Variants in CELF5 observed in about 807,000 individuals in gnomAD.
CELF5 encodes the protein CUG-BP and ETR-3 like factor 5.
In CELF5, 6 loss-of-function variants were observed where a neutral mutation model predicts 54.9. The observed-to-expected ratio is 0.11, with a 90% CI of 0.06 to 0.22. The LOEUF (loss-of-function observed/expected upper bound fraction) is 0.22. CELF5 is among the 10% of genes least tolerant of loss of function. The pLI is 1.00. For synonymous variants in CELF5, 271 were observed against 290.9 expected (o/e 0.93, Z 0.70); for missense variants, 401 against 678.6 (o/e 0.59, Z 4.54).
At chr19:3,277,699 G>C (rs1314740921) in intron 4 of CELF5, among the ~76,000 whole-genome samples, 1 of 152,054 alleles carries the variant, frequency 6.6e-6, no homozygotes, top group Non-Finnish European at 1.5e-5. Context: ...GACTTTGTCG[G>C]TGGGACTGTG....
chr19:3,270,822 C>T (rs1168327804), intron 2 of CELF5, among the ~76,000 whole-genome samples: 3 of 151,728 alleles, frequency 2.0e-5, no homozygotes, highest in Non-Finnish European at 4.4e-5. Flanking sequence ...CCGAGCTGAC[C>T]CAGCGGTGGG....
intron 1 of CELF5, among the ~76,000 whole-genome samples, chr19:3,245,792 C>T (rs2079558389): frequency 1.3e-5 from 2 of 152,144 alleles, no homozygotes; most frequent in Non-Finnish European, 1.5e-5. Context: ...AGCACATAGA[C>T]TCTGTGAAGA....
At chr19:3,284,581 C>CA (rs1314734580) in intron 8 of CELF5, among the ~76,000 whole-genome samples, 1 of 151,992 alleles carries the variant, frequency 6.6e-6, no homozygotes, top group East Asian at 1.9e-4. Flanking sequence ...CTGGTGAATC[C>CA]AGGGAGTAGA....
At chr19:3,272,048 G>T (rs905471447) in intron 2 of CELF5, among the ~76,000 whole-genome samples, 33 of 152,200 alleles carry the variant, frequency 2.2e-4, no homozygotes, top group Non-Finnish European at 5.9e-5. Context: ...TCTGAAGCTT[G>T]TTGGGCAGCT....
chr19:3,265,568 A>G (rs1361287965), intron 2 of CELF5, among the ~76,000 whole-genome samples: 1 of 151,838 alleles, frequency 6.6e-6, no homozygotes, highest in African/African-American at 2.4e-5. Context: ...ATCTTGAGAC[A>G]CTCCCACCCA....
chr19:3,225,480 C>CCCCAAAAAAA, intron 1 of CELF5: 1 of 670,802 alleles, frequency 1.5e-6, no homozygotes, highest in Non-Finnish European at 1.8e-6. Flanking sequence ...CCCCCACCCC[C>CCCCAAAAAAA]ATTCATTCAG....
chr19:3,273,747 T>G (rs2080002619), intron 2 of CELF5, 125 bp from the exon 3 acceptor site: 1 of 679,900 alleles, frequency 1.5e-6, no homozygotes, highest in African/African-American at 1.8e-5. Flanking sequence ...GTTAGTTGGG[T>G]GGTGGGGTGC....
intron 12 of CELF5, chr19:3,296,434 G>GAAAAAAAAAAAAAAAAAAAAAGAAAAA (rs2080450767): frequency 1.8e-5 from 1 of 54,862 alleles, no homozygotes. Context: ...AAACCACACA[G>GAAAAAAAAAAAAAAAAAAAAAGAAAAA]AAAAAAAAAA....
intron 1 of CELF5, among the ~76,000 whole-genome samples, chr19:3,235,186 C>T (rs553354063): frequency 6.6e-6 from 1 of 152,280 alleles, no homozygotes; most frequent in South Asian, 2.1e-4. Context: ...AATGTTCTTC[C>T]CCCAGATACT....
chr19:3,286,146 G>T (rs2080245174), intron 10 of CELF5, 121 bp downstream of exon 10: 1 of 817,282 alleles, frequency 1.2e-6, no homozygotes, highest in Admixed American at 3.5e-5. Flanking sequence ...CGGCCTGGGG[G>T]CTGGACAGGC....
intron 9 of CELF5, 59 bp downstream of exon 9, chr19:3,285,023 G>GC (rs1000727056): frequency 4.0e-5 from 51 of 1,268,378 alleles, no homozygotes; most frequent in Admixed American, 1.1e-4. Context: ...CTAGGGCCCC[G>GC]CCCCCAGGGC....
intron 10 of CELF5, among the ~76,000 whole-genome samples, chr19:3,287,152 T>TGTA (rs1395055518): frequency 6.6e-6 from 1 of 151,702 alleles, no homozygotes; most frequent in Non-Finnish European, 1.5e-5. Flanking sequence ...GATGGAACAC[T>TGTA]ATACAGCAGT....
At chr19:3,262,720 G>C (rs1011756529) in intron 2 of CELF5, among the ~76,000 whole-genome samples, 4 of 152,042 alleles carry the variant, frequency 2.6e-5, no homozygotes, top group Non-Finnish European at 4.4e-5. Context: ...GGAGGCCGAG[G>C]GGGGTGGATC....
At chr19:3,291,133 G>A (rs868267422) in intron 11 of CELF5, among the ~76,000 whole-genome samples, 7 of 151,888 alleles carry the variant, frequency 4.6e-5, no homozygotes, top group African/African-American at 1.7e-4. Flanking sequence ...AGGCTTGGTG[G>A]TGCACACTGG....
At chr19:3,284,841 CG>C in intron 8 of CELF5, 60 bp from the exon 9 acceptor site, 1 of 1,430,678 alleles carries the variant, frequency 7.0e-7, no homozygotes, top group Non-Finnish European at 9.8e-7. Flanking sequence ...TCTTAAGGAT[CG>C]GGGGTGGATG....
chr19:3,290,486 A>C, intron 11 of CELF5, 112 bp downstream of exon 11: 2 of 1,199,374 alleles, frequency 1.7e-6, no homozygotes, highest in Non-Finnish European at 2.4e-6. Flanking sequence ...AAATAATCAC[A>C]ATCAGAACCA....
intron 1 of CELF5, chr19:3,225,613 T>C (rs1916860934): frequency 1.0e-6 from 1 of 982,386 alleles, no homozygotes. Context: ...GACCCCAGGC[T>C]AATCGGTAAC....
At chr19:3,269,833 G>A (rs1221109028) in intron 2 of CELF5, among the ~76,000 whole-genome samples, 1 of 151,864 alleles carries the variant, frequency 6.6e-6, no homozygotes, top group Non-Finnish European at 1.5e-5. Flanking sequence ...AGCGATCATA[G>A]CTCACTGTGG....
chr19:3,266,487 C>A (rs547724056), intron 2 of CELF5, among the ~76,000 whole-genome samples: 1 of 151,974 alleles, frequency 6.6e-6, no homozygotes, highest in African/African-American at 2.4e-5. Context: ...TGTGTATCAG[C>A]GTCTTGGGCG....
Sources: allele counts gnomAD v4.1 joint callset (sites outside exome capture counted in the v4.1 genomes callset), GRCh38; gene constraint gnomAD v4.1.1; transcripts MANE v1.5; gene names NCBI Gene and HGNC (gene_info 2026-07-23, HGNC 2026-07-21).